The following STAC variants were observed in gnomAD, a reference collection of about 807,000 sequenced individuals.
STAC encodes SH3 and cysteine rich domain.
STAC carries 43 observed loss-of-function variants against 48.8 expected under a neutral mutation model. The ratio of observed to expected loss-of-function variants is 0.88; its 90% CI spans 0.69 to 1.14. The LOEUF is 1.14. Among genes scored for constraint, STAC ranks in the 50% most tolerant of loss-of-function variants. STAC has a pLI of 0.00. For synonymous variants in STAC, 193 were observed against 179.5 expected (o/e 1.07, Z -0.60); for missense variants, 497 against 504.0 (o/e 0.99, Z 0.13).
At chr3:36,473,543 G>C (rs17247293) in intron 2 of STAC, among the ~76,000 whole-genome samples, 15,879 of 152,158 alleles carry the variant, frequency 0.1, 899 homozygotes, top group Non-Finnish European at 0.12. Flanking sequence ...GCCTTTCTCA[G>C]ATGCACAGAC....
At chr3:36,382,858 G>A (rs775206233) in intron 1 of STAC, among the ~76,000 whole-genome samples, 5 of 152,156 alleles carry the variant, frequency 3.3e-5, no homozygotes, top group Admixed American at 6.6e-5. Context: ...AGCTTGGTGA[G>A]GAAAATGTGA....
intron 2 of STAC, among the ~76,000 whole-genome samples, chr3:36,480,182 T>C (rs1323186260): frequency 6.6e-6 from 1 of 152,206 alleles, no homozygotes; most frequent in Non-Finnish European, 1.5e-5. Context: ...AGAGCACAAA[T>C]AGCATTCTCT....
chr3:36,384,530 A>T lies in STAC; in HGVS notation c.111+3776A>T, dbSNP rs573848392. Among the ~76,000 whole-genome samples the T allele has an allele frequency of 4.0e-4, 61 of 152,308 alleles. No homozygotes were observed. In the South Asian group the frequency reaches 0.011, roughly 27 times the overall value. ...TTCTCTATTTGTTTCAAATCAGATG[A>T]CTGCTACCACCAGCCAACCCCAAAT... On this transcript the variant is annotated intron_variant, in intron 1 of 10. Transcript: ENST00000273183.
intron 4 of STAC, 80 bp downstream of exon 4, chr3:36,485,138 C>A: frequency 1.7e-6 from 2 of 1,187,500 alleles, no homozygotes; most frequent in Non-Finnish European, 2.4e-6. Flanking sequence ...CCCATGGCTG[C>A]AAAACCCGTG....
intron 8 of STAC, among the ~76,000 whole-genome samples, chr3:36,510,708 C>G (rs1219393418): frequency 1.3e-5 from 2 of 152,030 alleles, no homozygotes; most frequent in African/African-American, 2.4e-5. Context: ...AACACAAGAA[C>G]AGAAAACCAA....
At chr3:36,404,856 A>G (rs73057925) in intron 1 of STAC, among the ~76,000 whole-genome samples, 2,742 of 152,194 alleles carry the variant, frequency 0.018, 50 homozygotes, top group Non-Finnish European at 0.025. Context: ...GTTTGTGTAT[A>G]GAATACAAAG....
chr3:36,536,828 CA>C (rs947014667), intron 10 of STAC, among the ~76,000 whole-genome samples: 3 of 147,102 alleles, frequency 2.0e-5, no homozygotes, highest in Non-Finnish European at 3.0e-5. Flanking sequence ...AACAAATTTA[CA>C]AAAAAAACAA....
chr3:36,405,078 C>T (rs1356531741), intron 1 of STAC, among the ~76,000 whole-genome samples: 1 of 152,096 alleles, frequency 6.6e-6, no homozygotes, highest in African/African-American at 2.4e-5. Flanking sequence ...TAGGAAAGGA[C>T]AGTGTTTTCA....
At chr3:36,448,018 T>A (rs753760076) in intron 2 of STAC, among the ~76,000 whole-genome samples, 1 of 152,212 alleles carries the variant, frequency 6.6e-6, no homozygotes, top group Non-Finnish European at 1.5e-5. Context: ...TAATCTCTGG[T>A]GTCCAGAACT....
intron 2 of STAC, among the ~76,000 whole-genome samples, chr3:36,470,112 G>C (rs1043491648): frequency 2.5e-4 from 38 of 152,154 alleles, no homozygotes; most frequent in Non-Finnish European, 5.9e-5. Context: ...CAGTGAGCTG[G>C]TATGATCTTT....
intron 1 of STAC, among the ~76,000 whole-genome samples, chr3:36,440,700 C>A (rs963330463): frequency 3.3e-5 from 5 of 152,176 alleles, no homozygotes; most frequent in African/African-American, 1.2e-4. Context: ...TTGCAAAGTG[C>A]CTGGATAAGG....
At chr3:36,491,632 T>C (rs1697968752) in intron 5 of STAC, among the ~76,000 whole-genome samples, 1 of 151,412 alleles carries the variant, frequency 6.6e-6, no homozygotes, top group South Asian at 2.1e-4. Flanking sequence ...CTCTGGAGGG[T>C]GGTGCTAAAG....
In STAC at chr3:36,546,255, G is replaced by T. The variant is rs1699442886; in HGVS notation, c.1175G>T (p.Gly392Val). Residue 392 changes from glycine (G) to valine (V), a missense_variant, in exon 11 of 11, where the codon GGC (glycine) becomes GTC (valine). Coordinates refer to ENST00000273183, the MANE Select transcript of STAC (RefSeq NM_003149.3). ...AGAGTCCTCAGTGGAAAAAAGAAAG[G>T]CCTCATCCCCCTTGATGTACTAGAA... is the stretch of plus-strand genomic sequence containing the variant. ...FIRVLSGKKK[G>V]LIPLDVLENI The T allele has an allele frequency of 1.2e-6, 2 of 1,613,996 alleles. No individual in the cohort carries two copies. Among genetic ancestry groups the T allele is most frequent in the East Asian group, 4.5e-5 (2 of 44,854 alleles).
At chr3:36,492,981 C>T (rs1389068135) in intron 5 of STAC, among the ~76,000 whole-genome samples, 170 bp from the exon 6 acceptor site, 1 of 152,180 alleles carries the variant, frequency 6.6e-6, no homozygotes, top group Non-Finnish European at 1.5e-5. Context: ...AGGTACAGTG[C>T]CCACGAGTGG....
At position 36,536,098 on chromosome 3, in the gene STAC, T is replaced by C. The variant is rs138022595; in HGVS notation, c.1110+7113T>C. Among the ~76,000 whole-genome samples the C allele has an allele frequency of 3.3e-4, 50 of 152,294 alleles. No homozygotes were observed. In the East Asian group the frequency reaches 5.0e-3, roughly 15 times the overall value. On this transcript the variant is annotated intron_variant, in intron 10 of 10. Transcript: ENST00000273183. ...ATTCAGCTGTAAATCTGTCTGGTGC[T>C]GGGCTTTTTTTGGTTGGTAGGCTAT... is the stretch of plus-strand genomic sequence containing the variant.
At chr3:36,412,357 A>G (rs1700214570) in intron 1 of STAC, among the ~76,000 whole-genome samples, 1 of 152,210 alleles carries the variant, frequency 6.6e-6, no homozygotes, top group African/African-American at 2.4e-5. Flanking sequence ...TGTACATTTC[A>G]TTGGCCAAAA....
chr3:36,492,034 ATATATATATAT>A (rs1697997595), intron 5 of STAC, among the ~76,000 whole-genome samples: 14 of 34,422 alleles, frequency 4.1e-4, no homozygotes, highest in African/African-American at 4.9e-4. Context: ...AAAAAAAAAT[ATATATATATAT>A]ATATATATAT....
intron 5 of STAC, among the ~76,000 whole-genome samples, chr3:36,488,916 T>G (rs1308382604): frequency 6.6e-6 from 1 of 152,104 alleles, no homozygotes; most frequent in Non-Finnish European, 1.5e-5. Flanking sequence ...CCCAAACTCT[T>G]AGGCATGGGA....
intron 8 of STAC, among the ~76,000 whole-genome samples, chr3:36,512,141 GTT>G (rs1479187569): frequency 1.3e-5 from 2 of 152,128 alleles, no homozygotes; most frequent in Admixed American, 6.6e-5. Context: ...GTACATCTGA[GTT>G]TTCTCTATTG....
Sources: allele counts gnomAD v4.1 joint callset (sites outside exome capture counted in the v4.1 genomes callset), GRCh38; gene constraint gnomAD v4.1.1; transcripts MANE v1.5; gene names NCBI Gene and HGNC (gene_info 2026-07-23, HGNC 2026-07-21).